HELB: variants seen among roughly 807,000 people sequenced by gnomAD.
HELB encodes DNA 5'-3' helicase B.
HELB carries 96 observed loss-of-function variants against 101.7 expected under a neutral mutation model. The ratio of observed to expected loss-of-function variants is 0.94; its 90% CI spans 0.80 to 1.12. The LOEUF (loss-of-function observed/expected upper bound fraction) is 1.12, where lower values mean the gene tolerates loss of function less well. Among genes scored for constraint, HELB ranks in the 50% most tolerant of loss-of-function variants. The probability of loss-of-function intolerance (pLI) is 0.00; values close to 1 mark genes in which losing one functional copy is unlikely to be tolerated. For synonymous variants in HELB, 437 were observed against 459.7 expected (o/e 0.95, Z 0.63); for missense variants, 1,210 against 1,291.9 (o/e 0.94, Z 0.97).
At chr12:66,340,109 C>G (rs1198972247), downstream of HELB, 1 of 152,174 alleles carries the variant, frequency 6.6e-6, no homozygotes, top group Non-Finnish European at 1.5e-5. Context: ...TGGACATATG[C>G]TTTCACTTCT....
At chr12:66,336,640 G>C (rs1003974092) in intron 12 of HELB, among the ~76,000 whole-genome samples, 7 of 152,176 alleles carry the variant, frequency 4.6e-5, no homozygotes, top group African/African-American at 1.7e-4. Flanking sequence ...TATGGCACAG[G>C]GAAAACGTTC....
Position 66,324,162 on chromosome 12 carries a change from T to G in HELB, c.2477T>G (p.Phe826Cys). ...GATTTTGCTAAAAATAAGCGTGACT[T>G]TGAAAGTAACGTTCGACTGTGCAAT... ...LPDFAKNKRD[F>C]ESNVRLCNGE... Residue 826 changes from phenylalanine (F) to cysteine (C), a missense_variant, in exon 10 of 13, where the codon TTT (phenylalanine) becomes TGT (cysteine). Phe to Cys is a radical substitution (Grantham distance 205). Transcript: ENST00000247815. 6.2e-7 allele frequency: 1 copy of G among 1,613,912 alleles called. No homozygotes were observed. Among genetic ancestry groups the G allele is most frequent in the East Asian group, 2.2e-5 (1 of 44,830 alleles).
chr12:66,304,956 G>A lies in HELB; in HGVS notation c.413G>A (p.Ser138Asn), dbSNP rs749169621. 21 of 1,613,940 alleles carry A rather than the reference G, an allele frequency of 1.3e-5. No individual in the cohort carries two copies. In the Admixed American group the frequency reaches 1.5e-4, roughly 12 times the overall value. ...ALFLKECEVS[S>N]DDVNKFLTWV... is the part of the protein sequence containing the mutation. ...TTTCTTAAAGAGTGTGAGGTCTCCA[G>A]TGATGATGTTAATAAATTTTTAACA... The change falls in exon 2 of 13, where the codon AGT becomes AAT. Residue 138 changes from serine (S) to asparagine (N), a missense_variant. Physicochemically the swap from Ser to Asn is conservative, Grantham distance 46. This residue lies in a region of HELB where 470 missense variants were observed against 563.1 expected (regional missense o/e 0.83). Coordinates refer to ENST00000247815, the MANE Select transcript of HELB (RefSeq NM_001370285.1).
At chr12:66,308,864 CAT>C (rs1406584431) in intron 3 of HELB, among the ~76,000 whole-genome samples, 2 of 152,074 alleles carry the variant, frequency 1.3e-5, no homozygotes, top group Non-Finnish European at 2.9e-5. Context: ...AGGACATCAA[CAT>C]ATGAATTTTG....
Position 66,328,056 on chromosome 12 carries a change from A to G in HELB, c.2670+2930A>G, listed in dbSNP as rs78854832. 1.4e-3 allele frequency among the ~76,000 whole-genome samples: 218 copies of G among 152,276 alleles called. 2 individuals are homozygous for G. The East Asian group carries it at 0.041, about 29-fold the overall frequency. On this transcript the variant is annotated intron_variant, in intron 11 of 12. Coordinates refer to ENST00000247815, the MANE Select transcript of HELB (RefSeq NM_001370285.1). Reference sequence around the variant, plus strand: ...AGTCTGTCTGGTATAGTTGAGAAGCAGGAATAGCAAGGTGGCCACTGTGGG... The same window carrying G: ...AGTCTGTCTGGTATAGTTGAGAAGCGGGAATAGCAAGGTGGCCACTGTGGG...
intron 6 of HELB, among the ~76,000 whole-genome samples, chr12:66,318,348 A>C (rs935548429): frequency 6.6e-6 from 1 of 152,144 alleles, no homozygotes; most frequent in Non-Finnish European, 1.5e-5. Context: ...AGGTTTTCAG[A>C]ATGGTGCCTA....
Position 66,314,255 on chromosome 12 carries a change from G to A in HELB, c.1858+92G>A. On this transcript the variant is annotated intron_variant, in intron 5 of 12. Coordinates refer to ENST00000247815, the MANE Select transcript of HELB (RefSeq NM_001370285.1). ...ACCATTTAGTTGGTTGTTTACACCA[G>A]AATTGATACCAAAGCTACACGAAGA... The A allele has an allele frequency of 2.8e-6, 3 of 1,090,852 alleles. No homozygotes were observed. The South Asian group carries it at 4.3e-5, about 16-fold the overall frequency. 67.6% of individuals were successfully genotyped at this position (1,090,852 alleles called of 1,614,324 possible).
intron 12 of HELB, among the ~76,000 whole-genome samples, chr12:66,334,805 A>T (rs1179048085): frequency 1.3e-5 from 2 of 152,058 alleles, no homozygotes; most frequent in Non-Finnish European, 2.9e-5. Context: ...ATAAATACAT[A>T]CATACAAAAT....
rs780227603 is a variant in HELB at position 66,302,735 on chromosome 12, C to T, written c.132C>T (p.Ala44=). The part of the protein sequence containing the change: ...EEDEESVFID[A]EELCSGGVKA... ...ATGAAGAGTCCGTGTTCATCGACGCCGAGGAGCTCTGCAGTGGGGGCGTAA... is the reference window on the plus strand; with the variant it reads ...ATGAAGAGTCCGTGTTCATCGACGCTGAGGAGCTCTGCAGTGGGGGCGTAA... Residue 44 remains alanine, a synonymous_variant, in exon 1 of 13, where the codon GCC becomes GCT. Transcript: ENST00000247815. 2.8e-5 allele frequency: 45 copies of T among 1,613,868 alleles called. 1 individual carries two copies. Among genetic ancestry groups the T allele is most frequent in the Non-Finnish European group, 3.6e-5 (42 of 1,179,926 alleles).
chr12:66,314,046 T>G lies in HELB; in HGVS notation c.1741T>G (p.Phe581Val), dbSNP rs751387588. 2 of 1,613,922 alleles carry G rather than the reference T, an allele frequency of 1.2e-6. No individual in the cohort carries two copies. The highest frequency in any genetic ancestry group is 1.7e-6 in the Non-Finnish European group (2 of 1,179,848). The change falls in exon 5 of 13, where the codon TTT becomes GTT. Residue 581 changes from phenylalanine to valine, a missense_variant. Transcript: ENST00000247815. ...GATGACCACAAACAAACCATGGAAA[T>G]TTTCTTCGGTTAGAGTTCTGGTTGT... ...TMMTTNKPWKFSSVRVLVVDE... is the reference protein window; with the variant it reads ...TMMTTNKPWKVSSVRVLVVDE...
At position 66,338,140 on chromosome 12, in the gene HELB, A is replaced by G. The variant is rs775790156; in HGVS notation, c.*38A>G. The G allele has an allele frequency of 4.2e-6, 5 of 1,198,162 alleles. No individual in the cohort carries two copies. The highest frequency in any genetic ancestry group is 4.7e-5 in the East Asian group (2 of 42,866). 74.2% of individuals were successfully genotyped at this position (1,198,162 alleles called of 1,614,324 possible). Reference sequence around the variant, plus strand: ...TTGTTCCGAGTAACTATGTTTTTCTATTGGAGACAAAATGAACATCGTAAC... The same window carrying G: ...TTGTTCCGAGTAACTATGTTTTTCTGTTGGAGACAAAATGAACATCGTAAC... On this transcript the variant is annotated 3_prime_UTR_variant, in exon 13 of 13. Coordinates refer to ENST00000247815, the MANE Select transcript of HELB (RefSeq NM_001370285.1).
chr12:66,332,713 G>GA (rs1469726006), intron 12 of HELB, among the ~76,000 whole-genome samples: 1 of 152,122 alleles, frequency 6.6e-6, no homozygotes, highest in East Asian at 1.9e-4. Context: ...GTATGTATAG[G>GA]AAAAACCAAT....
intron 7 of HELB, among the ~76,000 whole-genome samples, chr12:66,319,605 G>A (rs186642818): frequency 6.7e-4 from 102 of 152,230 alleles, no homozygotes; most frequent in African/African-American, 2.3e-3. Context: ...TTTTAAAAAT[G>A]GTGTAATGGT....
At position 66,324,040 on chromosome 12, in the gene HELB, T is replaced by A. The variant is rs758587182; in HGVS notation, c.2355T>A (p.Asn785Lys). ...GTGATAAAATTTGTTGTACCAGGAA[T>A]GCATACCTCTCAGACTTACTACCTG... is the stretch of plus-strand genomic sequence containing the variant. ...GIGDKICCTR[N>K]AYLSDLLPEN... Residue 785 changes from asparagine to lysine, a missense_variant, in exon 10 of 13, where the codon AAT becomes AAA. Coordinates refer to ENST00000247815, the MANE Select transcript of HELB (RefSeq NM_001370285.1). The A allele has an allele frequency of 1.9e-6, 3 of 1,613,736 alleles. No homozygotes were observed. Among genetic ancestry groups the A allele is most frequent in the Non-Finnish European group, 2.5e-6 (3 of 1,179,784 alleles).
intron 9 of HELB, among the ~76,000 whole-genome samples, chr12:66,323,149 T>G (rs2053692832): frequency 6.6e-6 from 1 of 152,124 alleles, no homozygotes; most frequent in South Asian, 2.1e-4. Flanking sequence ...TTAGTGAGTG[T>G]CTGTCTATCA....
At chr12:66,318,604 T>C (rs2137001574) in intron 6 of HELB, 34 bp from the exon 7 acceptor site, 29 of 1,560,780 alleles carry the variant, frequency 1.9e-5, no homozygotes, top group Non-Finnish European at 2.3e-5. Flanking sequence ...TGGATGATAA[T>C]GTTCTTTGTG....
intron 8 of HELB, 34 bp from the exon 9 acceptor site, chr12:66,322,690 A>G (rs1313260687): frequency 6.5e-7 from 1 of 1,527,196 alleles, no homozygotes; most frequent in South Asian, 1.1e-5. Flanking sequence ...AGCAGAGACC[A>G]TTAAGGTGAC....
chr12:66,306,658 A>G (rs949707737), intron 3 of HELB, 144 bp downstream of exon 3: 1 of 447,788 alleles, frequency 2.2e-6, no homozygotes, highest in East Asian at 3.5e-5. Context: ...GCAACTGTAC[A>G]TAAACTTCTT....
intron 3 of HELB, among the ~76,000 whole-genome samples, chr12:66,307,493 CA>C (rs2053490898): frequency 6.6e-6 from 1 of 152,092 alleles, no homozygotes; most frequent in South Asian, 2.1e-4. Flanking sequence ...AATTATATAA[CA>C]TTTTATTATT....
Sources: allele counts gnomAD v4.1 joint callset (sites outside exome capture counted in the v4.1 genomes callset), GRCh38; gene constraint gnomAD v4.1.1; regional missense constraint gnomAD v4.1.1; transcripts MANE v1.5; gene names NCBI Gene and HGNC (gene_info 2026-07-23, HGNC 2026-07-21).